Variants in AGO3 observed in about 807,000 individuals in gnomAD.
The protein encoded by AGO3 is argonaute RISC catalytic component 3.
AGO3 carries 16 observed loss-of-function variants against 105.5 expected under a neutral mutation model. The ratio of observed to expected loss-of-function variants is 0.15; its 90% CI spans 0.10 to 0.23. The LOEUF (loss-of-function observed/expected upper bound fraction) is 0.23, where lower values mean the gene tolerates loss of function less well. Among genes scored for constraint, AGO3 ranks in the 10% least tolerant of loss-of-function variants. The pLI, the probability that AGO3 is intolerant of heterozygous loss-of-function variation, is 1.00. For synonymous variants in AGO3, 340 were observed against 367.3 expected (o/e 0.93, Z 0.85); for missense variants, 534 against 1,088.0 (o/e 0.49, Z 7.16).
At chr1:35,942,678 A>G (rs1049412910) in intron 1 of AGO3, among the ~76,000 whole-genome samples, 3 of 152,194 alleles carry the variant, frequency 2.0e-5, no homozygotes, top group Admixed American at 6.5e-5. Context: ...TTGAGCTTCA[A>G]AAATTTAGTG....
intron 11 of AGO3, among the ~76,000 whole-genome samples, chr1:36,014,395 TG>T (rs1640780483): frequency 6.6e-6 from 1 of 151,658 alleles, no homozygotes; most frequent in Admixed American, 6.6e-5. Flanking sequence ...TGACCTCAGG[TG>T]ATCTGCCCGC....
intron 9 of AGO3, among the ~76,000 whole-genome samples, chr1:36,012,663 T>G (rs1356564262): frequency 6.6e-6 from 1 of 152,170 alleles, no homozygotes; most frequent in African/African-American, 2.4e-5. Flanking sequence ...ACAAAATAAA[T>G]TTTAATAGAA....
chr1:36,009,243 G>T (rs1284516136), intron 8 of AGO3, 199 bp downstream of exon 8: 1 of 844,966 alleles, frequency 1.2e-6, no homozygotes. Flanking sequence ...TGTAACCACT[G>T]TTAACATTTT....
chr1:36,041,961 A>G (rs1452262710), intron 16 of AGO3, among the ~76,000 whole-genome samples: 1 of 152,240 alleles, frequency 6.6e-6, no homozygotes, highest in Non-Finnish European at 1.5e-5. Context: ...AAGTTTGGCT[A>G]GCTGCAGAGT....
rs1296750182 is a variant in AGO3 at position 36,062,808 on chromosome 1, TATAATA to T, written c.*7066_*7071del. 3 of 152,218 alleles carry T rather than the reference TATAATA, an allele frequency of 2.0e-5. No individual in the cohort carries two copies. Among genetic ancestry groups the T allele is most frequent in the African/African-American group, 7.2e-5 (3 of 41,452 alleles). The allele number at this position is 152,218 out of a possible 1,614,324, so 9.4% of individuals were successfully genotyped here. On this transcript the variant is annotated 3_prime_UTR_variant, in exon 19 of 19. Coordinates refer to ENST00000373191, the MANE Select transcript of AGO3 (RefSeq NM_024852.4). ...CTCAGTAACCTTGTATGCTGCATTA[TATAATA>T]ATGATAGTAAAATTATATTGTTTGG...
chr1:35,935,962 A>T (rs1253390564), intron 1 of AGO3, among the ~76,000 whole-genome samples: 1 of 152,250 alleles, frequency 6.6e-6, no homozygotes, highest in Non-Finnish European at 1.5e-5. Context: ...AAAACTAAAA[A>T]GATAATTTAT....
intron 2 of AGO3, among the ~76,000 whole-genome samples, chr1:35,958,118 C>T (rs563015153): frequency 6.0e-5 from 9 of 148,934 alleles, no homozygotes; most frequent in Admixed American, 4.0e-4. Context: ...CGTGGTGGCT[C>T]ACGCCTGTAA....
intron 5 of AGO3, among the ~76,000 whole-genome samples, chr1:35,979,093 G>A (rs951166137): frequency 3.3e-5 from 5 of 152,092 alleles, no homozygotes; most frequent in Admixed American, 2.6e-4. Flanking sequence ...GGCTGGGCGC[G>A]GTGGCTCATG....
chr1:35,995,835 G>A (rs1443322817), intron 5 of AGO3, among the ~76,000 whole-genome samples: 2 of 151,980 alleles, frequency 1.3e-5, no homozygotes, highest in Non-Finnish European at 2.9e-5. Flanking sequence ...ATGCCACCAC[G>A]CCTGGGTAAT....
chr1:35,953,345 T>A (rs2148757283), intron 2 of AGO3, among the ~76,000 whole-genome samples: 1 of 152,342 alleles, frequency 6.6e-6, no homozygotes, highest in Non-Finnish European at 1.5e-5. Flanking sequence ...TTTTCCCATA[T>A]TCTCACCAAT....
intron 1 of AGO3, among the ~76,000 whole-genome samples, chr1:35,937,984 T>A (rs1462912852): frequency 1.3e-5 from 2 of 150,556 alleles, no homozygotes; most frequent in African/African-American, 4.9e-5. Flanking sequence ...TGTATTCTTT[T>A]TTTTTTTTTT....
intron 2 of AGO3, among the ~76,000 whole-genome samples, chr1:35,946,694 T>C (rs926638339): frequency 3.3e-5 from 5 of 152,214 alleles, no homozygotes; most frequent in African/African-American, 9.6e-5. Flanking sequence ...TGAAGGTCTT[T>C]TTCTTGGACT....
At chr1:35,960,111 G>A (rs1276856279) in intron 2 of AGO3, among the ~76,000 whole-genome samples, 1 of 152,010 alleles carries the variant, frequency 6.6e-6, no homozygotes, top group Non-Finnish European at 1.5e-5. Flanking sequence ...CAGGTTGGTA[G>A]TTTCCCAATT....
At chr1:36,054,515 A>G (rs1484587199) in intron 17 of AGO3, among the ~76,000 whole-genome samples, 18 of 151,830 alleles carry the variant, frequency 1.2e-4, no homozygotes, top group African/African-American at 2.4e-5. Flanking sequence ...GCCTCAAGCT[A>G]CCCTCCCACT....
At chr1:35,984,206 C>A (rs1008110108) in intron 5 of AGO3, among the ~76,000 whole-genome samples, 6 of 152,112 alleles carry the variant, frequency 3.9e-5, no homozygotes, top group Non-Finnish European at 8.8e-5. Flanking sequence ...CAGGGGCTCA[C>A]GCCTGTAGTC....
intron 17 of AGO3, among the ~76,000 whole-genome samples, chr1:36,045,353 C>T (rs545140031): frequency 4.6e-5 from 7 of 152,068 alleles, no homozygotes; most frequent in Non-Finnish European, 5.9e-5. Context: ...TCCCAAGTAG[C>T]TGGGACTACA....
At chr1:35,966,268 A>G (rs1425116802) in intron 2 of AGO3, among the ~76,000 whole-genome samples, 1 of 152,216 alleles carries the variant, frequency 6.6e-6, no homozygotes, top group African/African-American at 2.4e-5. Context: ...CATTTGGAAT[A>G]TATCCTTTCA....
At chr1:36,028,358 T>C (rs1005625283) in intron 12 of AGO3, among the ~76,000 whole-genome samples, 4 of 151,140 alleles carry the variant, frequency 2.6e-5, no homozygotes, top group African/African-American at 9.8e-5. Context: ...TAACTCGTTA[T>C]CTAGCATTAG....
In AGO3 at chr1:36,068,194, A is replaced by G. The variant is rs1643119026; in HGVS notation, c.*12449A>G. On this transcript the variant is annotated 3_prime_UTR_variant, in exon 19 of 19. Coordinates refer to ENST00000373191, the MANE Select transcript of AGO3 (RefSeq NM_024852.4). ...AATAGATAGAATGATGATTATTACA[A>G]TGTAACTTTAACATATATGAAGAGA... 6.6e-6 allele frequency: 1 copy of G among 152,384 alleles called. No homozygotes were observed. The highest frequency in any genetic ancestry group is 2.1e-4 in the South Asian group (1 of 4,832). 9.4% of individuals were successfully genotyped at this position (152,384 alleles called of 1,614,324 possible).
Sources: gnomAD v4.1 joint callset for allele counts (sites outside exome capture counted in the v4.1 genomes callset) on GRCh38, gnomAD v4.1.1 for gene constraint, MANE v1.5 for transcripts, NCBI Gene and HGNC (gene_info 2026-07-23, HGNC 2026-07-21) for gene names.